The following SCNN1B variants were observed in gnomAD, a reference collection of about 807,000 sequenced individuals.
The protein encoded by SCNN1B is epithelial sodium channel subunit beta.
Under a neutral mutation model 65.3 loss-of-function variants are expected in SCNN1B, and 46 were observed. The ratio of observed to expected loss-of-function variants is 0.70; its 90% confidence interval spans 0.56 to 0.90. SCNN1B has a LOEUF of 0.90. SCNN1B is among the 40% of genes least tolerant of loss of function. The pLI is 0.00. For synonymous variants in SCNN1B, 349 were observed against 330.6 expected, an observed-to-expected ratio of 1.06 and a Z score of -0.60; for missense variants, 751 against 830.5, an observed-to-expected ratio of 0.90 and a Z score of 1.18.
intron 1 of SCNN1B, among the ~76,000 whole-genome samples, chr16:23,311,418 C>T (rs150825036): frequency 1.3e-5 from 2 of 152,192 alleles, no homozygotes; most frequent in Admixed American, 6.5e-5. Flanking sequence ...TAAGCAGGGG[C>T]TGGGTTGCAC....
chr16:23,358,503 C>T (rs1369549144), intron 4 of SCNN1B: 2 of 152,102 alleles, frequency 1.3e-5, no homozygotes, highest in Non-Finnish European at 2.9e-5. Context: ...CAATACCTAC[C>T]CTACATGGTT....
intron 4 of SCNN1B, among the ~76,000 whole-genome samples, chr16:23,366,116 A>G (rs1179956992): frequency 6.6e-6 from 1 of 152,270 alleles, no homozygotes; most frequent in Non-Finnish European, 1.5e-5. Context: ...TTCAAAGACA[A>G]TACTGCATGG....
intron 1 of SCNN1B, among the ~76,000 whole-genome samples, chr16:23,328,072 C>T (rs970904234): frequency 4.6e-5 from 7 of 152,122 alleles, no homozygotes; most frequent in African/African-American, 1.4e-4. Flanking sequence ...GTCAGTAGGG[C>T]CAGTTGTCTT....
upstream of SCNN1B, among the ~76,000 whole-genome samples, chr16:23,298,697 T>G (rs1372139011): frequency 1.3e-5 from 2 of 152,238 alleles, no homozygotes; most frequent in African/African-American, 4.8e-5. Context: ...GGTGTCAGAC[T>G]GTAGACCCTA....
At chr16:23,320,719 T>C (rs1961569715) in intron 1 of SCNN1B, among the ~76,000 whole-genome samples, 1 of 152,240 alleles carries the variant, frequency 6.6e-6, no homozygotes, top group South Asian at 2.1e-4. Flanking sequence ...CGTGGGCCTC[T>C]ATACAAACAA....
chr16:23,375,977 C>T (rs1198844140), intron 8 of SCNN1B, 122 bp downstream of exon 8: 3 of 714,286 alleles, frequency 4.2e-6, no homozygotes, highest in African/African-American at 1.7e-5. Context: ...AGGGTGGCTC[C>T]TCCACAGTCT....
At chr16:23,300,020 G>A (rs1024130371), upstream of SCNN1B, among the ~76,000 whole-genome samples, 1 of 152,170 alleles carries the variant, frequency 6.6e-6, no homozygotes, top group Non-Finnish European at 1.5e-5. Flanking sequence ...CATAAAAAAG[G>A]ATGAGTTCAT....
At chr16:23,305,551 TATATATATATATATATATATATATA>T (rs1961185899) in intron 1 of SCNN1B, among the ~76,000 whole-genome samples, 2 of 52,820 alleles carry the variant, frequency 3.8e-5, no homozygotes, top group Admixed American at 2.7e-4. Context: ...TATATATATA[TATATATATATATATATATATATATA>T]TTATATATAT....
intron 1 of SCNN1B, among the ~76,000 whole-genome samples, chr16:23,319,998 C>G (rs11074556): frequency 6.6e-6 from 1 of 152,058 alleles, no homozygotes; most frequent in Non-Finnish European, 1.5e-5. Context: ...CCTCTCACCT[C>G]GGCCTCCCAA....
intron 4 of SCNN1B, among the ~76,000 whole-genome samples, chr16:23,364,150 G>A (rs1962603893): frequency 6.6e-6 from 1 of 152,106 alleles, no homozygotes; most frequent in African/African-American, 2.4e-5. Context: ...TGGGCAACAA[G>A]AGTGAAACTC....
intron 9 of SCNN1B, 30 bp from the exon 10 acceptor site, chr16:23,377,299 G>A: frequency 6.2e-7 from 1 of 1,614,146 alleles, no homozygotes; most frequent in Non-Finnish European, 8.5e-7. Flanking sequence ...CACTGGCAGG[G>A]ACCACAACAG....
At chr16:23,365,174 C>A (rs1962622897) in intron 4 of SCNN1B, among the ~76,000 whole-genome samples, 1 of 151,856 alleles carries the variant, frequency 6.6e-6, no homozygotes, top group African/African-American at 2.4e-5. Context: ...TGCCTGTAAT[C>A]CCAGCTACTC....
At chr16:23,379,473 AAGG>A (rs1158507874) in intron 11 of SCNN1B, among the ~76,000 whole-genome samples, 3 of 152,034 alleles carry the variant, frequency 2.0e-5, no homozygotes, top group Admixed American at 1.3e-4. Context: ...TGAACTCTCC[AAGG>A]AGGAGTAAGT....
chr16:23,380,574 C>T lies in SCNN1B; in HGVS notation c.1696C>T (p.Arg566Ter), dbSNP rs137852704. 1 of 1,614,056 alleles carries T rather than the reference C, an allele frequency of 6.2e-7. No homozygotes were observed. ...VALAKSLRQR[R>*]AQASYAGPPP... ...CTTGGCCAAGAGCCTACGGCAGCGG[C>T]GAGCCCAAGCCAGCTACGCTGGCCC... Residue 566 changes from arginine to a stop codon, truncating the protein, a stop_gained, in exon 13 of 13, where the codon CGA becomes TGA. Transcript: ENST00000343070. LOFTEE classifies it high-confidence loss of function. The surrounding 1 kb of genome is among the most constrained non-coding windows in gnomAD (Gnocchi z 5.4).
At chr16:23,356,730 G>C (rs1373600272) in intron 4 of SCNN1B, among the ~76,000 whole-genome samples, 1 of 152,184 alleles carries the variant, frequency 6.6e-6, no homozygotes, top group Non-Finnish European at 1.5e-5. Flanking sequence ...GCAGAATGAG[G>C]GTAATGGTAA....
intron 1 of SCNN1B, among the ~76,000 whole-genome samples, chr16:23,322,377 T>G (rs1412917692): frequency 6.6e-6 from 1 of 152,202 alleles, no homozygotes; most frequent in Non-Finnish European, 1.5e-5. Context: ...CACGGGTCAC[T>G]GCAGCCTCGA....
intron 5 of SCNN1B, among the ~76,000 whole-genome samples, chr16:23,370,603 A>G (rs921946128): frequency 4.6e-5 from 7 of 152,232 alleles, no homozygotes; most frequent in African/African-American, 1.7e-4. Context: ...GCAATCACAC[A>G]AATGAGGCAG....
chr16:23,291,370 A>G (rs1038546815), intron 2 of SCNN1B, among the ~76,000 whole-genome samples: 2 of 151,280 alleles, frequency 1.3e-5, no homozygotes, highest in African/African-American at 4.9e-5. Flanking sequence ...GCCCAACCAC[A>G]TATTTATCCC....
At chr16:23,331,731 G>A (rs1375527635) in intron 1 of SCNN1B, among the ~76,000 whole-genome samples, 2 of 152,120 alleles carry the variant, frequency 1.3e-5, no homozygotes, top group East Asian at 1.9e-4. Context: ...TGAATTTGGT[G>A]GGGGGACACA....
Sources: gnomAD v4.1 joint callset for allele counts (sites outside exome capture counted in the v4.1 genomes callset) on GRCh38, gnomAD v4.1.1 for gene constraint, Gnocchi (gnomAD v3.1) non-coding constraint, MANE v1.5 for transcripts, NCBI Gene and HGNC (gene_info 2026-07-23, HGNC 2026-07-21) for gene names.